Variants in MYOF observed in about 807,000 individuals in gnomAD.
MYOF encodes myoferlin, also known as fer-1-like 3, myoferlin.
In MYOF, 244 loss-of-function variants were observed where a neutral mutation model predicts 284.2. The ratio of observed to expected loss-of-function variants is 0.86; its 90% CI spans 0.77 to 0.95. MYOF has a LOEUF of 0.95. Ranked by LOEUF, MYOF falls within the 40% of genes least tolerant of loss-of-function variation. The pLI is 0.00. For missense variants in MYOF, 2,496 were observed against 2,560.6 expected, an observed-to-expected ratio of 0.97 and a Z score of 0.54; for synonymous variants, 904 against 919.7, an observed-to-expected ratio of 0.98 and a Z score of 0.31.
In MYOF at chr10:93,366,427, T is replaced by A. The variant is rs770387435; in HGVS notation, c.2718A>T (p.Glu906Asp). The change falls in exon 26 of 54, where the codon GAA (glutamate) becomes GAT (aspartate). Residue 906 changes from glutamate to aspartate, a missense_variant. Glu to Asp is a conservative substitution (Grantham distance 45). Coordinates refer to ENST00000359263, the MANE Select transcript of MYOF (RefSeq NM_013451.4). The stretch of plus-strand genomic sequence containing the variant: ...GATCAACTATCCACTCTCCTTCCCA[T>A]TCCCAGCCTTTTGGAGGCAGAAAAA... Reference protein sequence around the residue: ...REFFLPPKGWEWEGEWIVDPE... With the variant: ...REFFLPPKGWDWEGEWIVDPE... 7 of 1,613,868 alleles carry A rather than the reference T, an allele frequency of 4.3e-6. No individual in the cohort carries two copies. The South Asian group carries it at 6.6e-5, about 15-fold the overall frequency.
At position 93,442,983 on chromosome 10, in the gene MYOF, A is replaced by G. The variant is rs190305513; in HGVS notation, c.236+9067T>C. ...AGACCAGCCTGGCCAAAATGGTGAAACCCCGTCTCTGGTAAAAAAAATACA... is the reference window on the plus strand; with the variant it reads ...AGACCAGCCTGGCCAAAATGGTGAAGCCCCGTCTCTGGTAAAAAAAATACA... On this transcript the variant is annotated intron_variant, in intron 3 of 53. Transcript: ENST00000359263. Among the ~76,000 whole-genome samples, 757 of 151,872 alleles carry G rather than the reference A, an allele frequency of 5.0e-3. 2 individuals are homozygous for G. Among genetic ancestry groups the G allele is most frequent in the Admixed American group, 0.015 (236 of 15,238 alleles).
chr10:93,316,686 G>A (rs775212188), intron 50 of MYOF, 28 bp downstream of exon 50: 1 of 1,557,770 alleles, frequency 6.4e-7, no homozygotes, highest in Non-Finnish European at 8.8e-7. Context: ...CAGTTTCTTA[G>A]AAACAATGAT....
chr10:93,391,101 G>C (rs1398855818), intron 17 of MYOF, among the ~76,000 whole-genome samples: 1 of 152,172 alleles, frequency 6.6e-6, no homozygotes, highest in African/African-American at 2.4e-5. Flanking sequence ...TTTGCTTTTT[G>C]TTAAAGATCC....
At chr10:93,475,362 C>T (rs184766158) in intron 1 of MYOF, among the ~76,000 whole-genome samples, 108 of 152,278 alleles carry the variant, frequency 7.1e-4, no homozygotes, top group African/African-American at 2.5e-3. Context: ...ATAAAACTGG[C>T]AGCTTCATAT....
intron 48 of MYOF, 33 bp from the exon 49 acceptor site, chr10:93,320,046 C>T (rs775864964): frequency 5.6e-6 from 9 of 1,611,288 alleles, no homozygotes; most frequent in East Asian, 4.5e-5. Context: ...CTTAGCTTCA[C>T]GTGATTGACA....
rs144292872 is a variant in MYOF, at chr10:93,310,241, T to A, written c.6000-74A>T. The A allele has an allele frequency of 1.3e-4, 191 of 1,526,374 alleles. No homozygotes were observed. The African/African-American group carries it at 2.2e-3, about 18-fold the overall frequency. 94.6% of individuals were successfully genotyped at this position (1,526,374 alleles called of 1,614,324 possible). A position where few individuals can be genotyped will look rare whatever the true frequency, so the allele number is the denominator to read the frequency against. ...TATTTTATTCCAGAGCATAACACAGTTTCAGGAATAAAGAATCACATTAAT... is the reference window on the plus strand; with the variant it reads ...TATTTTATTCCAGAGCATAACACAGATTCAGGAATAAAGAATCACATTAAT... On this transcript the variant is annotated intron_variant, in intron 52 of 53. Transcript: ENST00000359263.
chr10:93,439,179 T>C (rs1371826037), intron 3 of MYOF, among the ~76,000 whole-genome samples: 1 of 150,634 alleles, frequency 6.6e-6, no homozygotes, highest in Non-Finnish European at 1.5e-5. Context: ...ATGGTATCAC[T>C]GTTACCTTTG....
In MYOF at chr10:93,387,886, T is replaced by C. The variant is rs1345834225; in HGVS notation, c.1609A>G (p.Ile537Val). ...AGAAAAGTGGCTAATTCAACCAAGA[T>C]CCTGCCTCTGTAGGCAACTCCTTCC... ...KGEGVAYRGRILVELATFLEK... is the reference protein window; with the variant it reads ...KGEGVAYRGRVLVELATFLEK... The change falls in exon 19 of 54, where the codon ATC becomes GTC. Residue 537 changes from isoleucine (I) to valine (V), a missense_variant. Transcript: ENST00000359263. The C allele has an allele frequency of 6.2e-7, 1 of 1,614,104 alleles. No individual in the cohort carries two copies.
rs555606195 is a variant in MYOF, at chr10:93,407,124, G to A, written c.729+1663C>T. On this transcript the variant is annotated intron_variant, in intron 7 of 53. Coordinates refer to ENST00000359263, the MANE Select transcript of MYOF (RefSeq NM_013451.4). ...GTTATAAAAGAGGGCAGTAGAACAG[G>A]CTAAGTTCTCAGTATGGGAGGCAGG... 2.0e-5 allele frequency among the ~76,000 whole-genome samples: 3 copies of A among 152,220 alleles called. No homozygotes were observed. In the East Asian group the frequency reaches 5.8e-4, roughly 29 times the overall value.
chr10:93,372,587 C>T (rs750196590), intron 24 of MYOF, among the ~76,000 whole-genome samples: 10 of 152,238 alleles, frequency 6.6e-5, no homozygotes, highest in Non-Finnish European at 8.8e-5. Context: ...CTACTGCTTT[C>T]TCTTTCTTTC....
chr10:93,380,090 TG>T (rs1846044003), intron 20 of MYOF, 103 bp from the exon 21 acceptor site: 3 of 1,418,178 alleles, frequency 2.1e-6, no homozygotes, highest in South Asian at 1.4e-5. Context: ...TCCACAGGCT[TG>T]GGGAATAGCT....
At chr10:93,420,280 T>C (rs1200266979) in intron 5 of MYOF, among the ~76,000 whole-genome samples, 1 of 152,184 alleles carries the variant, frequency 6.6e-6, no homozygotes, top group Non-Finnish European at 1.5e-5. Context: ...AAATAGTTTC[T>C]TCCAGCTACG....
intron 46 of MYOF, among the ~76,000 whole-genome samples, chr10:93,324,786 C>CT (rs200490547): frequency 0.045 from 6,775 of 150,814 alleles, 522 homozygotes; most frequent in African/African-American, 0.16. Context: ...TTCTTTTTTT[C>CT]TTTTTTTTTG....
chr10:93,460,979 C>T (rs996649345), intron 1 of MYOF, among the ~76,000 whole-genome samples: 7 of 151,642 alleles, frequency 4.6e-5, no homozygotes, highest in Non-Finnish European at 8.8e-5. Flanking sequence ...CCTGTAATCC[C>T]CGATACTCGG....
chr10:93,406,569 C>CA lies in MYOF; in HGVS notation c.729+2217_729+2218insT, dbSNP rs199534447. Among the ~76,000 whole-genome samples the CA allele has an allele frequency of 1.9e-3, 179 of 93,776 alleles. 1 individual carries two copies. The highest frequency in any genetic ancestry group is 6.8e-3 in the Middle Eastern group (1 of 146). The allele number at this position is 93,776 out of a possible 152,430, so 61.5% of individuals were successfully genotyped here. ...AATCCAGCATCTTGCCTCCTCCCCA[C>CA]CCATCCAGTCTTGCCCTCCAACGTG... On this transcript the variant is annotated intron_variant, in intron 7 of 53. Transcript: ENST00000359263.
At chr10:93,359,258 C>T (rs1383697184) in intron 29 of MYOF, among the ~76,000 whole-genome samples, 1 of 152,190 alleles carries the variant, frequency 6.6e-6, no homozygotes, top group Non-Finnish European at 1.5e-5. Context: ...AAAATCCAAA[C>T]CTTACAGAAC....
intron 50 of MYOF, among the ~76,000 whole-genome samples, chr10:93,314,513 G>T (rs578062441): frequency 1.3e-5 from 2 of 152,320 alleles, no homozygotes; most frequent in African/African-American, 4.8e-5. Flanking sequence ...TGGATGACTG[G>T]GGCAAGAGTC....
rs1843079575 is a variant in MYOF at position 93,327,041 on chromosome 10, T to C, written c.5132-1076A>G. Among the ~76,000 whole-genome samples the C allele has an allele frequency of 1.3e-5, 2 of 151,988 alleles. 1 individual carries two copies. The highest frequency in any genetic ancestry group is 4.8e-5 in the African/African-American group (2 of 41,274). ...GGAGACGTAGTCAAACACTGGAGTA[T>C]GGAGAAAAGATGCTGTGTGACTCCA... On this transcript the variant is annotated intron_variant, in intron 45 of 53. Coordinates refer to ENST00000359263, the MANE Select transcript of MYOF (RefSeq NM_013451.4).
intron 5 of MYOF, among the ~76,000 whole-genome samples, chr10:93,424,834 G>A (rs981137021): frequency 6.6e-6 from 1 of 151,218 alleles, no homozygotes; most frequent in Non-Finnish European, 1.5e-5. Context: ...CGGCCGGAGA[G>A]CCAAGTTCCC....
Sources: gnomAD v4.1 joint callset for allele counts (sites outside exome capture counted in the v4.1 genomes callset) on GRCh38, gnomAD v4.1.1 for gene constraint, MANE v1.5 for transcripts, NCBI Gene and HGNC (gene_info 2026-07-23, HGNC 2026-07-21) for gene names.